The following TTC34 variants were observed in gnomAD, a reference collection of about 807,000 sequenced individuals.
TTC34 encodes the protein tetratricopeptide repeat domain 34, also known as tetratricopeptide repeat protein 34.
TTC34 carries 44 observed loss-of-function variants against 40.7 expected under a neutral mutation model. The observed-to-expected ratio is 1.08, with a 90% CI of 0.85 to 1.39. The LOEUF is 1.39. TTC34 is among the 40% of genes most tolerant of loss of function. TTC34 has a pLI of 0.00. For missense variants in TTC34, 884 were observed against 838.0 expected (o/e 1.05, Z -0.68); for synonymous variants, 422 against 398.6 (o/e 1.06, Z -0.70).
intron 6 of TTC34, among the ~76,000 whole-genome samples, chr1:2,687,791 G>T (rs1242950711): frequency 4.8e-5 from 7 of 146,114 alleles, no homozygotes; most frequent in Non-Finnish European, 1.0e-4. Flanking sequence ...CTGACAGCCT[G>T]GGTCGGCACC....
chr1:2,756,126 G>T (rs1249815696), intron 6 of TTC34, among the ~76,000 whole-genome samples: 1 of 57,100 alleles, frequency 1.8e-5, no homozygotes, highest in Non-Finnish European at 2.9e-5. Flanking sequence ...GCATCTGACA[G>T]CATGGAACAG....
At chr1:2,755,700 A>T (rs1191069239) in intron 6 of TTC34, among the ~76,000 whole-genome samples, 1 of 7,120 alleles carries the variant, frequency 1.4e-4, no homozygotes, top group Non-Finnish European at 2.4e-4. Flanking sequence ...GCAGCACCCC[A>T]AACCCACAGG....
At chr1:2,759,152 C>CT (rs1641605696) in intron 6 of TTC34, among the ~76,000 whole-genome samples, 8 of 117,746 alleles carry the variant, frequency 6.8e-5, no homozygotes, top group African/African-American at 2.2e-4. Context: ...GAACAGCACC[C>CT]ACACCCCCAG....
chr1:2,789,523 GC>G lies in TTC34; in HGVS notation c.1607del (p.Gly536AlafsTer20). The G allele has an allele frequency of 6.7e-7, 1 of 1,501,692 alleles. No individual in the cohort carries two copies. The highest frequency in any genetic ancestry group is 8.9e-7 in the Non-Finnish European group (1 of 1,128,718). 93.0% of individuals were successfully genotyped at this position (1,501,692 alleles called of 1,614,324 possible). On this transcript the variant is annotated frameshift_variant, in exon 3 of 9. Coordinates refer to ENST00000401095, the Ensembl canonical transcript of TTC34. LOFTEE classifies it high-confidence loss of function. ...CTCACCCCTCCTGCGTGGTGGGGCC[GC>G]CCGTCTCTGCGGCCTCCCTCCGGCC...
chr1:2,688,130 C>T (rs535779973), intron 6 of TTC34, among the ~76,000 whole-genome samples: 2 of 148,786 alleles, frequency 1.3e-5, no homozygotes, highest in African/African-American at 5.0e-5. Context: ...ACCCACACCC[C>T]CAGGCGAGCA....
At chr1:2,643,219 G>T (rs2100986520) in intron 8 of TTC34, among the ~76,000 whole-genome samples, 2 of 152,350 alleles carry the variant, frequency 1.3e-5, no homozygotes, top group East Asian at 3.9e-4. Context: ...CACCCGGAGG[G>T]GGCCGCCTGC....
intron 5 of TTC34, 106 bp downstream of exon 5, chr1:2,785,713 C>T (rs937479319): frequency 5.1e-5 from 65 of 1,277,914 alleles, no homozygotes; most frequent in Admixed American, 2.7e-4. Context: ...GAGGCCCCTG[C>T]ACCTGGGGAG....
intron 3 of TTC34, among the ~76,000 whole-genome samples, chr1:2,788,956 T>C (rs1477296431): frequency 6.6e-6 from 1 of 152,106 alleles, no homozygotes. Flanking sequence ...CTGGGCGTGG[T>C]GATCCCAGCT....
chr1:2,790,166 T>A, exon 3 of TTC34: 1 of 398,374 alleles, frequency 2.5e-6, no homozygotes, highest in Non-Finnish European at 4.4e-6. Context: ...CGCGGCCTCC[T>A]GCGCCTGAGC....
At chr1:2,789,721 G>A (rs1280312151) in exon 3 of TTC34, 2 of 978,590 alleles carry the variant, frequency 2.0e-6, no homozygotes, top group East Asian at 3.3e-5. Context: ...GCGTGCCCAG[G>A]AACGCGCTGC....
intron 6 of TTC34, among the ~76,000 whole-genome samples, chr1:2,675,202 C>G (rs1376408063): frequency 6.7e-6 from 1 of 148,350 alleles, no homozygotes; most frequent in Non-Finnish European, 1.5e-5. Flanking sequence ...CACCGACAAC[C>G]CCAGGTGAGC....
intron 6 of TTC34, among the ~76,000 whole-genome samples, chr1:2,753,185 G>A (rs1427271005): frequency 8.7e-4 from 103 of 118,076 alleles, no homozygotes; most frequent in African/African-American, 3.8e-3. Context: ...CCCCAGGTGA[G>A]CATCTGACAT....
Position 2,700,072 on chromosome 1 carries a change from C to A in TTC34, c.2227-54509G>T, listed in dbSNP as rs1186961674. 1.5e-4 allele frequency among the ~76,000 whole-genome samples: 15 copies of A among 98,328 alleles called. 2 individuals are homozygous for A. The highest frequency in any genetic ancestry group is 3.2e-4 in the South Asian group (1 of 3,148). 64.5% of individuals were successfully genotyped at this position (98,328 alleles called of 152,430 possible). Reference sequence around the variant, plus strand: ...CCACACCCAGAGGTGAGCATATGACCACCTGGAGCAGCACCCACAGTCCCA... The same window carrying A: ...CCACACCCAGAGGTGAGCATATGACAACCTGGAGCAGCACCCACAGTCCCA... On this transcript the variant is annotated intron_variant, in intron 6 of 8. Coordinates refer to ENST00000401095, the Ensembl canonical transcript of TTC34.
exon 6 of TTC34, chr1:2,783,672 C>T: frequency 6.5e-7 from 1 of 1,539,234 alleles, no homozygotes; most frequent in East Asian, 2.5e-5. Flanking sequence ...CGTTCCCCGG[C>T]TCAGCCCGCA....
At position 2,793,566 on chromosome 1, in the gene TTC34, T is replaced by C. The variant is rs114952241; in HGVS notation, c.785-3220A>G. 6.8e-3 allele frequency among the ~76,000 whole-genome samples: 1,042 copies of C among 152,378 alleles called. 5 individuals are homozygous for C. Among genetic ancestry groups the C allele is most frequent in the Non-Finnish European group, 0.012 (812 of 68,042 alleles). On this transcript the variant is annotated intron_variant, in intron 2 of 8. Transcript: ENST00000401095. ...GCCCACCTGTACATAGAAATCTTAA[T>C]GACATTCTCAGATATTTTCTTTTAG... is the stretch of plus-strand genomic sequence containing the variant.
intron 6 of TTC34, among the ~76,000 whole-genome samples, chr1:2,685,032 C>CT (rs1640262030): frequency 6.8e-6 from 1 of 146,772 alleles, no homozygotes; most frequent in Non-Finnish European, 1.5e-5. Flanking sequence ...GTAACAGCAC[C>CT]CACACCCACA....
chr1:2,749,488 A>G lies in TTC34; in HGVS notation c.2226+34121T>C, dbSNP rs1454539321. Among the ~76,000 whole-genome samples the G allele has an allele frequency of 4.2e-4, 41 of 98,242 alleles. 1 individual carries two copies. Among genetic ancestry groups the G allele is most frequent in the South Asian group, 1.9e-3 (5 of 2,656 alleles). The allele number at this position is 98,242 out of a possible 152,430, so 64.5% of individuals were successfully genotyped here. On this transcript the variant is annotated intron_variant, in intron 6 of 8. Coordinates refer to ENST00000401095, the Ensembl canonical transcript of TTC34. ...GGCCTGGAACAGCACCCACATCCCC[A>G]GGTGAGCATTGGACAGCCTGGAGCA...
intron 6 of TTC34, among the ~76,000 whole-genome samples, chr1:2,750,527 C>A (rs1641281237): frequency 7.0e-6 from 1 of 143,368 alleles, no homozygotes; most frequent in Admixed American, 6.9e-5. Context: ...ACCCACATCC[C>A]CAAGCGAGCA....
At chr1:2,646,681 T>G (rs1639026605) in intron 6 of TTC34, among the ~76,000 whole-genome samples, 1 of 152,244 alleles carries the variant, frequency 6.6e-6, no homozygotes, top group Non-Finnish European at 1.5e-5. Context: ...CTACCACACC[T>G]GGCCTGTTTT....
Sources: gnomAD v4.1 joint callset for allele counts (sites outside exome capture counted in the v4.1 genomes callset) on GRCh38, gnomAD v4.1.1 for gene constraint, MANE v1.5 for transcripts, NCBI Gene and HGNC (gene_info 2026-07-23, HGNC 2026-07-21) for gene names.